The following PCSK1 variants were observed in gnomAD, a reference collection of about 807,000 sequenced individuals.
PCSK1 encodes the protein neuroendocrine convertase 1.
Under a neutral mutation model 90.6 loss-of-function variants are expected in PCSK1, and 56 were observed. That is an observed-to-expected ratio of 0.62 (90% CI 0.50 to 0.77). PCSK1 has a LOEUF of 0.77. Among genes scored for constraint, PCSK1 ranks in the 30% least tolerant of loss-of-function variants. The probability of loss-of-function intolerance (pLI) is 0.00; values close to 1 mark genes in which losing one functional copy is unlikely to be tolerated. For synonymous variants in PCSK1, 348 were observed against 342.4 expected, an observed-to-expected ratio of 1.02 and a Z score of -0.18; for missense variants, 801 against 932.6, an observed-to-expected ratio of 0.86 and a Z score of 1.84.
At chr5:96,415,864 A>G (rs1396268967) in intron 6 of PCSK1, among the ~76,000 whole-genome samples, 169 bp downstream of exon 6, 1 of 152,086 alleles carries the variant, frequency 6.6e-6, no homozygotes, top group Non-Finnish European at 1.5e-5. Flanking sequence ...CTAGGAATCC[A>G]TATCTATTGA....
intron 3 of PCSK1, among the ~76,000 whole-genome samples, chr5:96,424,460 G>C (rs1437608299): frequency 6.6e-6 from 1 of 152,156 alleles, no homozygotes; most frequent in Non-Finnish European, 1.5e-5. Flanking sequence ...ACCACTAGCA[G>C]CCATGGATTT....
Position 96,432,591 on chromosome 5 carries a change from C to T in PCSK1, c.180+272G>A, listed in dbSNP as rs867467044. On this transcript the variant is annotated intron_variant, in intron 1 of 13. Transcript: ENST00000311106. ...ATTTTTCTTCCAAACCGCGCGGGAA[C>T]GGATTTCAATTCTAGAGCGGCCAAC... Among the ~76,000 whole-genome samples, 3 of 152,324 alleles carry T rather than the reference C, an allele frequency of 2.0e-5. No individual in the cohort carries two copies. In the South Asian group the frequency reaches 6.2e-4, roughly 32 times the overall value.
chr5:96,425,755 A>T, intron 3 of PCSK1, 65 bp downstream of exon 3: 1 of 886,044 alleles, frequency 1.1e-6, no homozygotes, highest in Non-Finnish European at 1.9e-6. Context: ...CCATGTTGCA[A>T]ATGTAACAAC....
chr5:96,399,945 A>C lies in PCSK1; in HGVS notation c.1430+8T>G. 6.3e-7 allele frequency: 1 copy of C among 1,599,884 alleles called. No individual in the cohort carries two copies. The highest frequency in any genetic ancestry group is 8.6e-7 in the Non-Finnish European group (1 of 1,167,140). ...ACACATGTGTTTAAAATTCCAGGAG[A>C]TACTTACCTGGGCTCAAAGTCATTG... On this transcript the variant is annotated splice_region_variant and intron_variant, in intron 10 of 13. Transcript: ENST00000311106.
At chr5:96,399,133 C>T in intron 10 of PCSK1, 97 bp from the exon 11 acceptor site, 1 of 887,138 alleles carries the variant, frequency 1.1e-6, no homozygotes, top group Non-Finnish European at 1.8e-6. Flanking sequence ...AGATGCTCAA[C>T]TAAGCTTTTT....
At chr5:96,421,993 TAAAAAA>T (rs11317408) in intron 4 of PCSK1, 37 bp from the exon 5 acceptor site, 1,584 of 356,790 alleles carry the variant, frequency 4.4e-3, no homozygotes, top group East Asian at 7.8e-3. Context: ...GTGGCAGCAT[TAAAAAA>T]AAAAAAAAAA....
intron 2 of PCSK1, among the ~76,000 whole-genome samples, chr5:96,427,517 C>A (rs1184676062): frequency 1.3e-5 from 2 of 152,126 alleles, no homozygotes; most frequent in South Asian, 4.1e-4. Flanking sequence ...TATTCTTGGG[C>A]TAATTTTTTA....
At chr5:96,413,709 A>G (rs1760845519) in intron 6 of PCSK1, among the ~76,000 whole-genome samples, 1 of 151,712 alleles carries the variant, frequency 6.6e-6, no homozygotes. Context: ...CTGAGGCACA[A>G]GAAATGCTTG....
chr5:96,419,432 T>TCTCC (rs1761047952), intron 5 of PCSK1, among the ~76,000 whole-genome samples: 1 of 148,454 alleles, frequency 6.7e-6, no homozygotes, highest in Non-Finnish European at 1.5e-5. Flanking sequence ...TCTCTCTCTC[T>TCTCC]CTCCCTCTCT....
chr5:96,410,935 G>A lies in PCSK1; in HGVS notation c.934C>T (p.Arg312Cys), dbSNP rs753488725. Residue 312 changes from arginine to cysteine, a missense_variant, in exon 8 of 14, where the codon CGT (arginine) becomes TGT (cysteine). Coordinates refer to ENST00000311106, the MANE Select transcript of PCSK1 (RefSeq NM_000439.5). Reference protein sequence around the residue: ...IFVWASGNGGRQGDNCDCDGY... With the variant: ...IFVWASGNGGCQGDNCDCDGY... ...TCACAGTCACAATTATCTCCCTGACGCCCCCCGTTTCCCGAAGCCCAGACG... is the reference window on the plus strand; with the variant it reads ...TCACAGTCACAATTATCTCCCTGACACCCCCCGTTTCCCGAAGCCCAGACG... 2.5e-6 allele frequency: 4 copies of A among 1,613,864 alleles called. No homozygotes were observed. The highest frequency in any genetic ancestry group is 2.5e-6 in the Non-Finnish European group (3 of 1,179,950).
intron 1 of PCSK1, chr5:96,432,206 C>T (rs1384852402): frequency 5.3e-6 from 7 of 1,321,578 alleles, no homozygotes; most frequent in African/African-American, 1.5e-5. Context: ...AGTGAAAAGC[C>T]GGAGCTCCCT....
intron 4 of PCSK1, 62 bp downstream of exon 4, chr5:96,423,251 C>G (rs1262812835): frequency 2.0e-6 from 3 of 1,512,810 alleles, no homozygotes; most frequent in Non-Finnish European, 2.7e-6. Flanking sequence ...GAAGGAAAGC[C>G]CTAACTGTGT....
At chr5:96,408,809 A>C (rs868562825) in intron 8 of PCSK1, among the ~76,000 whole-genome samples, 18 of 152,340 alleles carry the variant, frequency 1.2e-4, no homozygotes, top group Middle Eastern at 6.8e-3. Context: ...AACTACTTGC[A>C]CAAAAAATGC....
At chr5:96,427,023 A>G (rs1476471048) in intron 2 of PCSK1, among the ~76,000 whole-genome samples, 3 of 152,204 alleles carry the variant, frequency 2.0e-5, no homozygotes, top group African/African-American at 7.2e-5. Flanking sequence ...AATGCTGCCT[A>G]TCATCTGAGT....
intron 3 of PCSK1, 75 bp downstream of exon 3, chr5:96,425,745 C>A: frequency 1.2e-6 from 1 of 804,306 alleles, no homozygotes; most frequent in Middle Eastern, 2.3e-4. Flanking sequence ...AAAAAAAAAT[C>A]CATGTTGCAA....
rs1264007199 is a variant in PCSK1 at position 96,398,865 on chromosome 5, C to A, written c.1588+14G>T. 1 of 1,607,074 alleles carries A rather than the reference C, an allele frequency of 6.2e-7. No individual in the cohort carries two copies. The highest frequency in any genetic ancestry group is 1.3e-5 in the African/African-American group (1 of 74,754). Reference sequence around the variant, plus strand: ...ACTTAAAAATATAAATGGCTTAGAACTTTTTTAATTTACCAGCAGCAGAAG... The same window carrying A: ...ACTTAAAAATATAAATGGCTTAGAAATTTTTTAATTTACCAGCAGCAGAAG... On this transcript the variant is annotated intron_variant, in intron 11 of 13. Transcript: ENST00000311106.
chr5:96,421,831 TA>T (rs1761136981), intron 5 of PCSK1, 48 bp downstream of exon 5: 2 of 1,008,804 alleles, frequency 2.0e-6, no homozygotes, highest in Non-Finnish European at 3.2e-6. Context: ...TCAAACAAGA[TA>T]AAAGCATTGT....
At chr5:96,424,750 G>A (rs573404175) in intron 3 of PCSK1, among the ~76,000 whole-genome samples, 8 of 152,162 alleles carry the variant, frequency 5.3e-5, no homozygotes, top group Non-Finnish European at 1.0e-4. Flanking sequence ...ATCACCTGAG[G>A]TCAGGAGTTC....
intron 1 of PCSK1, among the ~76,000 whole-genome samples, chr5:96,432,556 G>C (rs1406378279): frequency 6.6e-6 from 1 of 152,236 alleles, no homozygotes; most frequent in Non-Finnish European, 1.5e-5. Flanking sequence ...CCCTGAACAA[G>C]CGTGGAGGGA....
Sources: gnomAD v4.1 joint callset for allele counts (sites outside exome capture counted in the v4.1 genomes callset) on GRCh38, gnomAD v4.1.1 for gene constraint, MANE v1.5 for transcripts, NCBI Gene and HGNC (gene_info 2026-07-23, HGNC 2026-07-21) for gene names.